Variants in RNMT observed in about 807,000 individuals in gnomAD.
RNMT encodes RNA guanine-7 methyltransferase, also known as mRNA cap guanine-N(7) methyltransferase.
Under a neutral mutation model 56.0 loss-of-function variants are expected in RNMT, and 27 were observed. The observed-to-expected ratio is 0.48, with a 90% CI of 0.36 to 0.67. RNMT has a LOEUF of 0.67. Ranked by LOEUF, RNMT falls within the 30% of genes least tolerant of loss-of-function variation. The pLI, the probability that RNMT is intolerant of heterozygous loss-of-function variation, is 0.00. For missense variants in RNMT, 519 were observed against 552.1 expected, an observed-to-expected ratio of 0.94 and a Z score of 0.60; for synonymous variants, 184 against 176.2, an observed-to-expected ratio of 1.04 and a Z score of -0.35.
At chr18:13,748,620 C>T (rs1174675867) in intron 9 of RNMT, among the ~76,000 whole-genome samples, 2 of 152,294 alleles carry the variant, frequency 1.3e-5, no homozygotes, top group South Asian at 2.1e-4. Context: ...TACAACTTTT[C>T]TGCTTTCCTG....
rs149773808 is a variant in RNMT, at chr18:13,743,280, G to A, written c.1139+628G>A. On this transcript the variant is annotated intron_variant, in intron 8 of 11. Coordinates refer to ENST00000383314, the MANE Select transcript of RNMT (RefSeq NM_003799.3). ...GGAGCTTGCAGTGAGTCGAGATCGC[G>A]CCACTGCGCTCCAGCCTGGGCGACA... 4.2e-3 allele frequency among the ~76,000 whole-genome samples: 608 copies of A among 146,042 alleles called. 4 individuals carry two copies. Among genetic ancestry groups the A allele is most frequent in the East Asian group, 0.03 (150 of 4,976 alleles).
At chr18:13,729,686 A>G (rs968185114) in intron 1 of RNMT, among the ~76,000 whole-genome samples, 3 of 152,196 alleles carry the variant, frequency 2.0e-5, no homozygotes. Flanking sequence ...ACCCATTCAT[A>G]GTGAGTGACT....
Position 13,726,717 on chromosome 18 carries a change from T to C in RNMT, c.-184T>C, listed in dbSNP as rs570914722. 6.6e-6 allele frequency: 1 copy of C among 152,314 alleles called. No homozygotes were observed. The highest frequency in any genetic ancestry group is 1.5e-5 in the Non-Finnish European group (1 of 68,128). 9.4% of individuals were successfully genotyped at this position (152,314 alleles called of 1,614,324 possible). ...CGCCGTTTCCGCAAACAGAATCGCG[T>C]TTGGCTGTGCTGGTGAGTGTGACGG... is the stretch of plus-strand genomic sequence containing the variant. On this transcript the variant is annotated 5_prime_UTR_variant, in exon 1 of 12. Transcript: ENST00000383314.
intron 1 of RNMT, among the ~76,000 whole-genome samples, chr18:13,730,041 C>T (rs1164917754): frequency 2.6e-5 from 4 of 152,214 alleles, no homozygotes; most frequent in Non-Finnish European, 5.9e-5. Context: ...CTGCCCACCT[C>T]GTTCCCCCAA....
chr18:13,732,291 GC>G (rs991497483), intron 3 of RNMT, among the ~76,000 whole-genome samples: 10 of 152,120 alleles, frequency 6.6e-5, no homozygotes, highest in Admixed American at 2.0e-4. Flanking sequence ...AACCTCCTGG[GC>G]ATAAGCAGTC....
In RNMT at chr18:13,726,709, G is replaced by A. The variant is rs1268466266; in HGVS notation, c.-192G>A. ...GCGCGGGCCGCCGTTTCCGCAAACA[G>A]AATCGCGTTTGGCTGTGCTGGTGAG... On this transcript the variant is annotated 5_prime_UTR_variant, in exon 1 of 12. Transcript: ENST00000383314. 2 of 152,358 alleles carry A rather than the reference G, an allele frequency of 1.3e-5. No homozygotes were observed. The highest frequency in any genetic ancestry group is 4.8e-5 in the African/African-American group (2 of 41,466). The allele number at this position is 152,358 out of a possible 1,614,324, so 9.4% of individuals were successfully genotyped here. A position where few individuals can be genotyped will look rare whatever the true frequency, so the allele number is the denominator to read the frequency against.
Position 13,761,766 on chromosome 18 carries a change from C to T in RNMT, c.*1787C>T, listed in dbSNP as rs558587391. The T allele has an allele frequency of 2.3e-4, 282 of 1,206,086 alleles. 1 individual carries two copies. Among genetic ancestry groups the T allele is most frequent in the South Asian group, 1.8e-3 (96 of 52,342 alleles). 74.7% of individuals were successfully genotyped at this position (1,206,086 alleles called of 1,614,324 possible). A position where few individuals can be genotyped will look rare whatever the true frequency, so the allele number is the denominator to read the frequency against. ...GGCTTACTGGAGCCACACCTGCAGG[C>T]GCTGTGTTCAGGCACCACCTTCCTC... On this transcript the variant is annotated 3_prime_UTR_variant, in exon 12 of 12. Coordinates refer to ENST00000383314, the MANE Select transcript of RNMT (RefSeq NM_003799.3).
chr18:13,741,561 A>G lies in RNMT; in HGVS notation c.844A>G (p.Ser282Gly). The G allele has an allele frequency of 1.2e-6, 2 of 1,613,844 alleles. No homozygotes were observed. The highest frequency in any genetic ancestry group is 1.7e-6 in the Non-Finnish European group (2 of 1,179,884). ...CCCACAAATGTGTTTTGACATCTGC[A>G]GTTGTCAGTTTGTCTGTCATTACTC... ...RDPQMCFDIC[S>G]CQFVCHYSFE... Residue 282 changes from serine (S) to glycine (G), a missense_variant, in exon 7 of 12, where the codon AGT becomes GGT. Ser to Gly is a moderately conservative substitution (Grantham distance 56, BLOSUM62 0). Coordinates refer to ENST00000383314, the MANE Select transcript of RNMT (RefSeq NM_003799.3).
At position 13,762,685 on chromosome 18, in the gene RNMT, A is replaced by T. The variant is rs1478837799; in HGVS notation, c.*2706A>T. ...TCACATGTTAATAGAGGATCAGAGC[A>T]GAGTTGGGAGTATATTGGTCAGGAT... On this transcript the variant is annotated 3_prime_UTR_variant, in exon 12 of 12. Coordinates refer to ENST00000383314, the MANE Select transcript of RNMT (RefSeq NM_003799.3). 3 of 225,192 alleles carry T rather than the reference A, an allele frequency of 1.3e-5. No individual in the cohort carries two copies. Among genetic ancestry groups the T allele is most frequent in the Non-Finnish European group, 2.7e-5 (3 of 111,546 alleles). 13.9% of individuals were successfully genotyped at this position (225,192 alleles called of 1,614,324 possible). A position where few individuals can be genotyped will look rare whatever the true frequency, so the allele number is the denominator to read the frequency against.
rs1401079995 is a variant in RNMT, at chr18:13,762,023, T to C, written c.*2044T>C. On this transcript the variant is annotated 3_prime_UTR_variant, in exon 12 of 12. Transcript: ENST00000383314. ...TTGACACACCTTGTCGTCTAAATGTTCGGTATTCTATTCAGGACTTACGGT... is the reference window on the plus strand; with the variant it reads ...TTGACACACCTTGTCGTCTAAATGTCCGGTATTCTATTCAGGACTTACGGT... 2.0e-6 allele frequency: 3 copies of C among 1,536,082 alleles called. No homozygotes were observed. The highest frequency in any genetic ancestry group is 4.9e-5 in the East Asian group (2 of 40,914).
Position 13,731,571 on chromosome 18 carries a change from A to G in RNMT, c.54A>G (p.Ala18=). ...EEYEKMSLEQ[A]KASVNSETES... Reference sequence around the variant, plus strand: ...ATGAAAAGATGTCTCTTGAACAGGCAAAAGCGTCAGTGAATTCTGAAACAG... The same window carrying G: ...ATGAAAAGATGTCTCTTGAACAGGCGAAAGCGTCAGTGAATTCTGAAACAG... The change falls in exon 3 of 12, where the codon GCA becomes GCG. Residue 18 remains alanine, a synonymous_variant. Transcript: ENST00000383314. 6.2e-7 allele frequency: 1 copy of G among 1,612,576 alleles called. No homozygotes were observed. Among genetic ancestry groups the G allele is most frequent in the Non-Finnish European group, 8.5e-7 (1 of 1,179,610 alleles).
At chr18:13,730,318 G>A (rs1307856631) in intron 1 of RNMT, 3 of 152,164 alleles carry the variant, frequency 2.0e-5, no homozygotes, top group Admixed American at 6.5e-5. Flanking sequence ...ACTGCAGGCT[G>A]AGTCCTGAAA....
chr18:13,754,396 A>C (rs1025983425), intron 11 of RNMT, among the ~76,000 whole-genome samples: 23 of 152,254 alleles, frequency 1.5e-4, no homozygotes, highest in African/African-American at 5.5e-4. Flanking sequence ...TAGTCCAGCT[A>C]CTCAGGAGGC....
intron 9 of RNMT, among the ~76,000 whole-genome samples, chr18:13,748,591 G>T (rs2044388390): frequency 1.3e-5 from 2 of 152,048 alleles, no homozygotes; most frequent in African/African-American, 2.4e-5. Flanking sequence ...CTTTTATCTG[G>T]GTTCAGCACT....
At chr18:13,741,769 T>C in intron 7 of RNMT, 78 bp downstream of exon 7, 1 of 884,594 alleles carries the variant, frequency 1.1e-6, no homozygotes, top group South Asian at 2.1e-5. Flanking sequence ...GTAGATTTTA[T>C]TAAAATACGC....
At chr18:13,731,260 TAGCC>T (rs2044061726) in intron 2 of RNMT, among the ~76,000 whole-genome samples, 1 of 152,020 alleles carries the variant, frequency 6.6e-6, no homozygotes, top group African/African-American at 2.4e-5. Context: ...TACAAAAAAT[TAGCC>T]AGGCGTGGTG....
intron 4 of RNMT, among the ~76,000 whole-genome samples, chr18:13,736,489 T>C (rs2149087378): frequency 6.6e-6 from 1 of 151,930 alleles, no homozygotes; most frequent in East Asian, 1.9e-4. Context: ...CTAAAAGACA[T>C]AGTGCTTTTT....
At chr18:13,749,060 C>T (rs78983431) in intron 9 of RNMT, among the ~76,000 whole-genome samples, 1,747 of 152,132 alleles carry the variant, frequency 0.011, 37 homozygotes, top group African/African-American at 0.04. Context: ...GCCTGGGTGA[C>T]GAAACTGAAA....
At chr18:13,751,094 C>G (rs1481231565) in intron 9 of RNMT, among the ~76,000 whole-genome samples, 1 of 152,086 alleles carries the variant, frequency 6.6e-6, no homozygotes, top group Admixed American at 6.5e-5. Flanking sequence ...GCAATTGCAA[C>G]AAAAGCCAAA....
Sources: allele counts gnomAD v4.1 joint callset (sites outside exome capture counted in the v4.1 genomes callset), GRCh38; gene constraint gnomAD v4.1.1; transcripts MANE v1.5; gene names NCBI Gene and HGNC (gene_info 2026-07-23, HGNC 2026-07-21).